TRANK1: variants seen among roughly 807,000 people sequenced by gnomAD.
TRANK1 encodes TPR and ankyrin repeat-containing protein 1.
Under a neutral mutation model 266.0 loss-of-function variants are expected in TRANK1, and 198 were observed. That is an observed-to-expected ratio of 0.74 (90% CI 0.66 to 0.84). The LOEUF is 0.84. Among genes scored for constraint, TRANK1 ranks in the 40% least tolerant of loss-of-function variants. The probability of loss-of-function intolerance (pLI) is 0.00; values close to 1 mark genes in which losing one functional copy is unlikely to be tolerated. For synonymous variants in TRANK1, 1,396 were observed against 1,384.1 expected (o/e 1.01, Z -0.19); for missense variants, 3,326 against 3,634.6 (o/e 0.92, Z 2.18).
At chr3:36,873,868 A>C (rs1379475306) in intron 9 of TRANK1, among the ~76,000 whole-genome samples, 2 of 151,904 alleles carry the variant, frequency 1.3e-5, no homozygotes, top group Non-Finnish European at 2.9e-5. Context: ...AAAAAAAAAA[A>C]ATCACCCACA....
chr3:36,858,098 G>C, intron 12 of TRANK1, 49 bp from the exon 13 acceptor site: 1 of 1,420,956 alleles, frequency 7.0e-7, no homozygotes, highest in Non-Finnish European at 9.3e-7. Flanking sequence ...CTCTTCTTAG[G>C]GGACAGCAGA....
chr3:36,836,877 C>T (rs140158377), intron 20 of TRANK1, among the ~76,000 whole-genome samples: 1 of 152,216 alleles, frequency 6.6e-6, no homozygotes, highest in South Asian at 2.1e-4. Context: ...GCTCTTGCTG[C>T]CCTATAGACC....
intron 12 of TRANK1, among the ~76,000 whole-genome samples, chr3:36,858,331 C>T (rs537641898): frequency 1.1e-4 from 17 of 152,300 alleles, no homozygotes; most frequent in Admixed American, 2.6e-4. Flanking sequence ...TATCCTACAA[C>T]GCACAGAACA....
chr3:36,880,169 A>G (rs927027416), intron 8 of TRANK1: 4 of 149,066 alleles, frequency 2.7e-5, no homozygotes, highest in Non-Finnish European at 4.4e-5. Context: ...TATATAAAAC[A>G]ATGTGAACAA....
At chr3:36,843,150 G>A (rs2078870802) in intron 17 of TRANK1, among the ~76,000 whole-genome samples, 1 of 152,176 alleles carries the variant, frequency 6.6e-6, no homozygotes, top group Admixed American at 6.5e-5. Flanking sequence ...GTAGTATTCT[G>A]TTATGGCAGT....
At chr3:36,927,068 T>A (rs1226446895) in intron 1 of TRANK1, among the ~76,000 whole-genome samples, 1 of 152,076 alleles carries the variant, frequency 6.6e-6, no homozygotes, top group African/African-American at 2.4e-5. Flanking sequence ...AACTAATGAA[T>A]CCCCTTTGGA....
At chr3:36,895,184 C>CA (rs2079770336) in intron 5 of TRANK1, among the ~76,000 whole-genome samples, 1 of 152,234 alleles carries the variant, frequency 6.6e-6, no homozygotes, top group Non-Finnish European at 1.5e-5. Flanking sequence ...CTCACTCCTC[C>CA]ATTCCATGGA....
In TRANK1 at chr3:36,913,030, T is replaced by TTGTGTGTGTGTG. The variant is rs10633466; in HGVS notation, c.24-4588_24-4577dup. On this transcript the variant is annotated intron_variant, in intron 1 of 23. Transcript: ENST00000645898. ...TGAAGCTAGAAAGAGTATGTCTCTT[T>TTGTGTGTGTGTG]TGTGTGTGTGTGTGTGTGTGTGTGT... is the stretch of plus-strand genomic sequence containing the variant. 1.9e-3 allele frequency among the ~76,000 whole-genome samples: 275 copies of TTGTGTGTGTGTG among 144,164 alleles called. 1 individual carries two copies. Among genetic ancestry groups the TTGTGTGTGTGTG allele is most frequent in the Middle Eastern group, 0.011 (3 of 276 alleles). The allele number at this position is 144,164 out of a possible 152,430, so 94.6% of individuals were successfully genotyped here. A position where few individuals can be genotyped will look rare whatever the true frequency, so the allele number is the denominator to read the frequency against.
At chr3:36,863,402 C>G (rs1352258516) in intron 10 of TRANK1, among the ~76,000 whole-genome samples, 2 of 152,150 alleles carry the variant, frequency 1.3e-5, no homozygotes, top group African/African-American at 4.8e-5. Flanking sequence ...AAACCAAAGG[C>G]TCCCTAGATG....
chr3:36,942,684 T>A (rs1405295560), intron 1 of TRANK1, among the ~76,000 whole-genome samples: 3 of 151,812 alleles, frequency 2.0e-5, no homozygotes, highest in Admixed American at 1.3e-4. Flanking sequence ...TACAGTATTC[T>A]ATCACTCAAG....
At chr3:36,876,641 C>G (rs779919480) in intron 8 of TRANK1, among the ~76,000 whole-genome samples, 10 of 152,328 alleles carry the variant, frequency 6.6e-5, no homozygotes, top group Non-Finnish European at 1.0e-4. Flanking sequence ...AACCTAACAA[C>G]TCTCCCAACA....
chr3:36,831,201 A>G lies in TRANK1; in HGVS notation c.8382T>C (p.Ala2794=), dbSNP rs371576317. Reference sequence around the variant, plus strand: ...CCCTGGAAAGGACTGCCACCTCGGAAGCTGCCCCCTCAAACGCTTTGCTGG... The same window carrying G: ...CCCTGGAAAGGACTGCCACCTCGGAGGCTGCCCCCTCAAACGCTTTGCTGG... ...FSPSKAFEGA[A]SEVAVLSRAE... is the part of the protein sequence containing the mutation. The change falls in exon 22 of 24, where the codon GCT becomes GCC. Residue 2794 remains alanine, a synonymous_variant. Transcript: ENST00000645898. This position sits in a 1 kb window ranked among gnomAD's most constrained non-coding sequence, Gnocchi z 5.0. The G allele has an allele frequency of 1.2e-6, 2 of 1,613,816 alleles. No individual in the cohort carries two copies. Among genetic ancestry groups the G allele is most frequent in the African/African-American group, 2.7e-5 (2 of 74,902 alleles).
chr3:36,851,981 C>G (rs2078990633), intron 14 of TRANK1, 125 bp from the exon 15 acceptor site: 1 of 1,414,488 alleles, frequency 7.1e-7, no homozygotes, highest in Non-Finnish European at 9.4e-7. Context: ...TCAGGCAGGC[C>G]AGGGGAAAGA....
At chr3:36,920,616 G>T (rs527301864) in intron 1 of TRANK1, among the ~76,000 whole-genome samples, 13 of 152,336 alleles carry the variant, frequency 8.5e-5, no homozygotes, top group Non-Finnish European at 1.9e-4. Context: ...TGGAAGTGAA[G>T]CTGTGAATCC....
chr3:36,907,569 A>G (rs999119314), intron 2 of TRANK1, among the ~76,000 whole-genome samples: 2 of 142,164 alleles, frequency 1.4e-5, no homozygotes, highest in Non-Finnish European at 3.0e-5. Context: ...GGTTCACGCT[A>G]TTCTCCTGCC....
intron 1 of TRANK1, among the ~76,000 whole-genome samples, chr3:36,932,094 G>A (rs1223505064): frequency 6.6e-6 from 1 of 152,094 alleles, no homozygotes; most frequent in African/African-American, 2.4e-5. Flanking sequence ...TCACATTTGA[G>A]GTCATTCTAA....
intron 1 of TRANK1, among the ~76,000 whole-genome samples, chr3:36,937,766 C>G (rs947222705): frequency 2.6e-5 from 4 of 152,180 alleles, no homozygotes; most frequent in African/African-American, 9.7e-5. Context: ...TTCATGGCCC[C>G]CATTGTTTAT....
At chr3:36,893,252 A>G (rs1358658072) in intron 5 of TRANK1, among the ~76,000 whole-genome samples, 1 of 151,506 alleles carries the variant, frequency 6.6e-6, no homozygotes, top group African/African-American at 2.4e-5. Context: ...GATGTCATGT[A>G]GCATTTCACA....
chr3:36,847,146 C>T, intron 16 of TRANK1, 54 bp downstream of exon 16: 1 of 1,554,232 alleles, frequency 6.4e-7, no homozygotes. Context: ...TCTTCCAAGC[C>T]TTTTTCACTA....
Sources: allele counts gnomAD v4.1 joint callset (sites outside exome capture counted in the v4.1 genomes callset), GRCh38; gene constraint gnomAD v4.1.1; non-coding constraint Gnocchi (gnomAD v3.1); transcripts MANE v1.5; gene names NCBI Gene and HGNC (gene_info 2026-07-23, HGNC 2026-07-21).